The following CDH13 variants were observed in gnomAD, a reference collection of about 807,000 sequenced individuals.
CDH13 encodes cadherin-13.
In CDH13, 24 loss-of-function variants were observed where a neutral mutation model predicts 63.8. The observed-to-expected ratio is 0.38, with a 90% CI of 0.27 to 0.53. The LOEUF (loss-of-function observed/expected upper bound fraction) is 0.53. CDH13 is among the 20% of genes least tolerant of loss of function. CDH13 has a pLI of 0.85. For synonymous variants in CDH13, 503 were observed against 355.3 expected (o/e 1.42, Z -4.67); for missense variants, 1,049 against 903.1 (o/e 1.16, Z -2.07).
chr16:83,043,917 T>C (rs1356000142), intron 3 of CDH13, among the ~76,000 whole-genome samples: 1 of 152,186 alleles, frequency 6.6e-6, no homozygotes, highest in African/African-American at 2.4e-5. Flanking sequence ...AAATGTAGTA[T>C]ATATTTTATG....
chr16:83,270,591 G>A (rs1005695396), intron 5 of CDH13, among the ~76,000 whole-genome samples: 2 of 152,158 alleles, frequency 1.3e-5, no homozygotes, highest in Admixed American at 6.5e-5. Context: ...GTAGGTGCAA[G>A]TCCACGAATG....
At chr16:83,299,471 C>T (rs371319930) in intron 5 of CDH13, among the ~76,000 whole-genome samples, 2 of 152,176 alleles carry the variant, frequency 1.3e-5, no homozygotes, top group Admixed American at 1.3e-4. Flanking sequence ...ATTCTTCCCC[C>T]AAGTCTCCAT....
intron 1 of CDH13, among the ~76,000 whole-genome samples, chr16:82,648,130 T>C (rs139440499): frequency 4.6e-5 from 7 of 152,302 alleles, no homozygotes; most frequent in Admixed American, 4.6e-4. Flanking sequence ...TTAAAACTCT[T>C]TTTCTTTATA....
chr16:83,000,220 C>CTTTTTTTTT (rs1567731430), intron 2 of CDH13, among the ~76,000 whole-genome samples: 4 of 33,974 alleles, frequency 1.2e-4, no homozygotes, highest in African/African-American at 3.1e-4. Flanking sequence ...ACAGGTTTAG[C>CTTTTTTTTT]TTATTTTTTT....
intron 4 of CDH13, among the ~76,000 whole-genome samples, chr16:83,197,837 C>T (rs2038919823): frequency 6.6e-6 from 1 of 151,972 alleles, no homozygotes; most frequent in African/African-American, 2.4e-5. Flanking sequence ...CACACACACA[C>T]ACACAAAGTA....
rs35178368 is a variant in CDH13, at chr16:83,031,764, G to C, written c.158-246G>C. On this transcript the variant is annotated intron_variant, in intron 2 of 13. Coordinates refer to ENST00000567109, the MANE Select transcript of CDH13 (RefSeq NM_001257.5). ...CACTCCACTGAGAAGGCACTCAAGT[G>C]TGCACACTCAGAGCTTAGCACCTGC... Among the ~76,000 whole-genome samples, 19,678 of 152,150 alleles carry C rather than the reference G, an allele frequency of 0.13. 1,530 individuals are homozygous for C. The highest frequency in any genetic ancestry group is 0.27 in the East Asian group (1,372 of 5,136).
At chr16:83,503,196 G>T (rs1483619299) in intron 7 of CDH13, among the ~76,000 whole-genome samples, 1 of 152,190 alleles carries the variant, frequency 6.6e-6, no homozygotes, top group Non-Finnish European at 1.5e-5. Flanking sequence ...AAGTAGTGTT[G>T]AGAAACTAAG....
At chr16:83,524,905 G>A (rs190346884) in intron 7 of CDH13, among the ~76,000 whole-genome samples, 127 of 152,288 alleles carry the variant, frequency 8.3e-4, no homozygotes, top group African/African-American at 2.9e-3. Context: ...AGTGGGTTCC[G>A]TGGGCTGTAA....
intron 1 of CDH13, among the ~76,000 whole-genome samples, chr16:82,852,528 C>A (rs192598): frequency 0.25 from 38,696 of 152,152 alleles, 5,246 homozygotes; most frequent in Middle Eastern, 0.32. Flanking sequence ...AATCCTTCCA[C>A]CCTTATTCTG....
At chr16:83,044,634 C>T (rs886584034) in intron 3 of CDH13, among the ~76,000 whole-genome samples, 12 of 152,298 alleles carry the variant, frequency 7.9e-5, no homozygotes, top group African/African-American at 2.9e-4. Flanking sequence ...TAATTTACAA[C>T]TTTGTTTATA....
At chr16:83,042,952 G>A (rs1917454852) in intron 3 of CDH13, among the ~76,000 whole-genome samples, 9 of 152,190 alleles carry the variant, frequency 5.9e-5, no homozygotes, top group Admixed American at 5.9e-4. Flanking sequence ...AAAAACCTGT[G>A]AAGTACCATG....
chr16:83,518,429 G>A (rs996737278), intron 7 of CDH13, among the ~76,000 whole-genome samples: 2 of 150,726 alleles, frequency 1.3e-5, no homozygotes, highest in Non-Finnish European at 2.9e-5. Flanking sequence ...ACAGGTGTGA[G>A]CCACCGCGCC....
intron 4 of CDH13, among the ~76,000 whole-genome samples, chr16:83,185,212 A>T (rs980721494): frequency 4.6e-5 from 7 of 152,160 alleles, no homozygotes; most frequent in Admixed American, 4.6e-4. Context: ...GCTGGTCTAC[A>T]TTCATACCCC....
At chr16:82,783,946 C>T (rs1403456444) in intron 1 of CDH13, among the ~76,000 whole-genome samples, 1 of 152,170 alleles carries the variant, frequency 6.6e-6, no homozygotes, top group Non-Finnish European at 1.5e-5. Flanking sequence ...CTTCACAATA[C>T]TTAATGTTAG....
chr16:82,861,472 T>A lies in CDH13; in HGVS notation c.157+2999T>A, dbSNP rs141898250. 4.0e-3 allele frequency among the ~76,000 whole-genome samples: 609 copies of A among 152,304 alleles called. 2 individuals carry two copies. The highest frequency in any genetic ancestry group is 0.014 in the African/African-American group (573 of 41,570). On this transcript the variant is annotated intron_variant, in intron 2 of 13. Transcript: ENST00000567109. ...TACCCTAGACTTGTGTTCATCCAAT[T>A]GTGTGTTCAGCTTTTAGCAGGTTAT...
At chr16:83,134,795 T>A (rs1014444157) in intron 4 of CDH13, among the ~76,000 whole-genome samples, 2 of 152,196 alleles carry the variant, frequency 1.3e-5, no homozygotes, top group African/African-American at 2.4e-5. Flanking sequence ...TGACAAAACA[T>A]AATCGGGTGG....
At chr16:83,154,436 A>G (rs550384000) in intron 4 of CDH13, among the ~76,000 whole-genome samples, 50 of 152,060 alleles carry the variant, frequency 3.3e-4, no homozygotes, top group African/African-American at 1.1e-3. Context: ...GTGTGGTGGC[A>G]TACACCTGTG....
At chr16:83,165,767 C>G (rs1178631709) in intron 4 of CDH13, among the ~76,000 whole-genome samples, 2 of 152,040 alleles carry the variant, frequency 1.3e-5, no homozygotes, top group East Asian at 1.9e-4. Context: ...AAATTAGAGA[C>G]CTAGAATTCA....
At chr16:83,073,265 G>C (rs1248087311) in intron 3 of CDH13, among the ~76,000 whole-genome samples, 2 of 151,908 alleles carry the variant, frequency 1.3e-5, no homozygotes, top group Non-Finnish European at 2.9e-5. Flanking sequence ...CAGAGTTCGA[G>C]GTTGAACCCG....
Sources: allele counts gnomAD v4.1 joint callset (sites outside exome capture counted in the v4.1 genomes callset), GRCh38; gene constraint gnomAD v4.1.1; transcripts MANE v1.5; gene names NCBI Gene and HGNC (gene_info 2026-07-23, HGNC 2026-07-21).